The following UTP20 variants were observed in gnomAD, a reference collection of about 807,000 sequenced individuals.
UTP20 encodes UTP20 small subunit processome component, also known as small subunit processome component 20 homolog.
UTP20 carries 164 observed loss-of-function variants against 329.5 expected under a neutral mutation model. The ratio of observed to expected loss-of-function variants is 0.50; its 90% CI spans 0.44 to 0.57. UTP20 has a LOEUF of 0.57. UTP20 is among the 20% of genes least tolerant of loss of function. The pLI, the probability that UTP20 is intolerant of heterozygous loss-of-function variation, is 0.00. For missense variants in UTP20, 3,055 were observed against 3,284.2 expected, an observed-to-expected ratio of 0.93 and a Z score of 1.71; for synonymous variants, 1,151 against 1,159.3, an observed-to-expected ratio of 0.99 and a Z score of 0.14.
rs369140966 is a variant in UTP20 at position 101,351,405 on chromosome 12, G to T, written c.4885-650G>T. ...CTCCCAAAGTGCTGGGATTACAGGCGTGTGCCACCGCGCCTGGTCCGTTTC... is the reference window on the plus strand; with the variant it reads ...CTCCCAAAGTGCTGGGATTACAGGCTTGTGCCACCGCGCCTGGTCCGTTTC... On this transcript the variant is annotated intron_variant, in intron 38 of 61. Transcript: ENST00000261637. Among the ~76,000 whole-genome samples, 31 of 152,236 alleles carry T rather than the reference G, an allele frequency of 2.0e-4. 1 individual carries two copies. In the South Asian group the frequency reaches 6.4e-3, roughly 32 times the overall value.
Position 101,373,691 on chromosome 12 carries a change from C to A in UTP20, c.7055C>A (p.Ser2352Tyr). ...CKKMASMTIK[S>Y]LLGKISLEKK... ...AAGATGGCATCCATGACAATCAAGT[C>A]CCTACTTGGTAAAATCAGCCTCGAG... is the stretch of plus-strand genomic sequence containing the variant. The change falls in exon 54 of 62, where the codon TCC becomes TAC. Residue 2352 changes from serine to tyrosine, a missense_variant. Physicochemically the swap from Ser to Tyr is moderately radical, Grantham distance 144. Transcript: ENST00000261637. The A allele has an allele frequency of 6.2e-7, 1 of 1,612,944 alleles. No homozygotes were observed. Among genetic ancestry groups the A allele is most frequent in the African/African-American group, 1.3e-5 (1 of 74,998 alleles).
At chr12:101,320,406 A>G (rs1873111322) in intron 23 of UTP20, among the ~76,000 whole-genome samples, 1 of 152,040 alleles carries the variant, frequency 6.6e-6, no homozygotes. Flanking sequence ...AAACAAAAAA[A>G]TTAGCCAAGT....
chr12:101,286,227 T>C lies in UTP20; in HGVS notation c.327-94T>C, dbSNP rs1489988514. 8.0e-6 allele frequency: 9 copies of C among 1,120,888 alleles called. No homozygotes were observed. The Admixed American group carries it at 1.2e-4, about 15-fold the overall frequency. The allele number at this position is 1,120,888 out of a possible 1,614,324, so 69.4% of individuals were successfully genotyped here. On this transcript the variant is annotated intron_variant, in intron 4 of 61. Transcript: ENST00000261637. ...TGATTTAGAAGTATTTTTATTTAAT[T>C]AATCCTATGATCATAGGCCACCTAC...
At chr12:101,335,042 T>C (rs1249470065) in intron 29 of UTP20, among the ~76,000 whole-genome samples, 1 of 151,950 alleles carries the variant, frequency 6.6e-6, no homozygotes. Context: ...AGTTTGTGTC[T>C]ATGTGTATAA....
intron 56 of UTP20, among the ~76,000 whole-genome samples, chr12:101,378,514 T>A (rs1173130785): frequency 6.6e-6 from 1 of 151,698 alleles, no homozygotes; most frequent in African/African-American, 2.4e-5. Context: ...ACTTAAGGAG[T>A]TTGAGACCAG....
chr12:101,354,085 A>G (rs770874494), intron 40 of UTP20, among the ~76,000 whole-genome samples: 2 of 151,922 alleles, frequency 1.3e-5, no homozygotes, highest in Non-Finnish European at 2.9e-5. Context: ...ACATAGCGAA[A>G]CCCTGTCTCT....
intron 52 of UTP20, 45 bp from the exon 53 acceptor site, chr12:101,373,356 A>G: frequency 6.6e-7 from 1 of 1,520,530 alleles, no homozygotes; most frequent in Non-Finnish European, 9.1e-7. Flanking sequence ...AATTATTTGT[A>G]AATTTAGAAG....
intron 55 of UTP20, among the ~76,000 whole-genome samples, chr12:101,375,347 C>T (rs1870439342): frequency 6.6e-6 from 1 of 151,572 alleles, no homozygotes. Context: ...GGCGATTTTA[C>T]CCCCCCAGGT....
intron 25 of UTP20, 33 bp downstream of exon 25, chr12:101,321,662 A>G (rs375346537): frequency 3.7e-5 from 60 of 1,604,908 alleles, no homozygotes; most frequent in Non-Finnish European, 4.7e-5. Context: ...GATTTTTAAA[A>G]AGTTAATAAC....
At chr12:101,354,540 G>A (rs1305829535) in intron 40 of UTP20, among the ~76,000 whole-genome samples, 1 of 152,140 alleles carries the variant, frequency 6.6e-6, no homozygotes. Flanking sequence ...TGGTTAAGAT[G>A]TTCCTGCCCC....
chr12:101,323,410 A>G (rs977997819), intron 25 of UTP20, among the ~76,000 whole-genome samples: 7 of 152,190 alleles, frequency 4.6e-5, no homozygotes, highest in African/African-American at 1.7e-4. Context: ...CTTCTTTCCA[A>G]CCATAAGTTT....
Position 101,280,266 on chromosome 12 carries a change from A to G in UTP20, c.-17A>G, listed in dbSNP as rs1235455128. The G allele has an allele frequency of 6.4e-7, 1 of 1,550,942 alleles. No homozygotes were observed. Reference sequence around the variant, plus strand: ...GACACTCCCGAGGCCGTCGCGGGCCACTGGCCCTCTGCAGCCATGAAGACA... The same window carrying G: ...GACACTCCCGAGGCCGTCGCGGGCCGCTGGCCCTCTGCAGCCATGAAGACA... On this transcript the variant is annotated 5_prime_UTR_variant, in exon 1 of 62. Coordinates refer to ENST00000261637, the MANE Select transcript of UTP20 (RefSeq NM_014503.3).
At chr12:101,289,542 CAGTA>C (rs527888587) in intron 6 of UTP20, among the ~76,000 whole-genome samples, 281 of 152,232 alleles carry the variant, frequency 1.8e-3, no homozygotes, top group Non-Finnish European at 1.6e-3. Flanking sequence ...ATTTATCTCA[CAGTA>C]AGACTTATTT....
chr12:101,304,823 C>T (rs1361818559), intron 15 of UTP20, among the ~76,000 whole-genome samples: 2 of 152,186 alleles, frequency 1.3e-5, no homozygotes, highest in African/African-American at 4.8e-5. Context: ...CCAGCATCCT[C>T]ATCATGTTCC....
At position 101,362,039 on chromosome 12, in the gene UTP20, T is replaced by C. The variant is rs1869941188; in HGVS notation, c.5769T>C (p.Ser1923=). ...TNKLQVGDLD[S]CLDIMIEIFN... is the part of the protein sequence containing the mutation. ...AGCTGCAGGTCGGAGATTTGGACTC[T>C]TGTTTAGATATAATGATTGAGGTAA... Residue 1923 remains serine, a synonymous_variant, in exon 44 of 62, where the codon TCT becomes TCC. Coordinates refer to ENST00000261637, the MANE Select transcript of UTP20 (RefSeq NM_014503.3). 1.2e-6 allele frequency: 2 copies of C among 1,613,274 alleles called. No homozygotes were observed. The highest frequency in any genetic ancestry group is 1.7e-5 in the Admixed American group (1 of 59,974).
chr12:101,355,434 T>C (rs983369781), intron 41 of UTP20, among the ~76,000 whole-genome samples: 2 of 152,236 alleles, frequency 1.3e-5, no homozygotes, highest in Non-Finnish European at 2.9e-5. Flanking sequence ...TTCTACTTTC[T>C]GGTCAGTTCT....
chr12:101,373,302 A>G (rs1870353117), intron 52 of UTP20, 99 bp from the exon 53 acceptor site: 1 of 1,180,492 alleles, frequency 8.5e-7, no homozygotes, highest in Non-Finnish European at 1.2e-6. Context: ...CATTTTTTTA[A>G]GAAGTAAACT....
chr12:101,333,253 A>G (rs781421002), intron 27 of UTP20, 48 bp from the exon 28 acceptor site: 26 of 1,580,030 alleles, frequency 1.6e-5, no homozygotes, highest in Non-Finnish European at 2.2e-5. Context: ...AATCAGGGAT[A>G]AAAATGATAC....
intron 18 of UTP20, 135 bp from the exon 19 acceptor site, chr12:101,309,628 C>T: frequency 1.4e-6 from 1 of 701,530 alleles, no homozygotes; most frequent in Non-Finnish European, 2.3e-6. Context: ...GGATTGGTGC[C>T]TGCAACTTTT....
Sources: allele counts gnomAD v4.1 joint callset (sites outside exome capture counted in the v4.1 genomes callset), GRCh38; gene constraint gnomAD v4.1.1; transcripts MANE v1.5; gene names NCBI Gene and HGNC (gene_info 2026-07-23, HGNC 2026-07-21).